The following LSAMP variants were observed in gnomAD, a reference collection of about 807,000 sequenced individuals.
LSAMP encodes the protein limbic system associated membrane protein, also known as limbic system-associated membrane protein.
Under a neutral mutation model 38.6 loss-of-function variants are expected in LSAMP, and 7 were observed. The observed-to-expected ratio is 0.18, with a 90% CI of 0.10 to 0.34. The LOEUF (loss-of-function observed/expected upper bound fraction) is 0.34, where lower values mean the gene tolerates loss of function less well. Ranked by LOEUF, LSAMP falls within the 10% of genes least tolerant of loss-of-function variation. The pLI is 1.00. For synonymous variants in LSAMP, 154 were observed against 166.8 expected, an observed-to-expected ratio of 0.92 and a Z score of 0.59; for missense variants, 313 against 420.0, an observed-to-expected ratio of 0.75 and a Z score of 2.23.
intron 3 of LSAMP, among the ~76,000 whole-genome samples, chr3:115,870,999 G>T (rs1211515874): frequency 6.6e-6 from 1 of 152,036 alleles, no homozygotes; most frequent in East Asian, 1.9e-4. Context: ...GAAATCACAG[G>T]CAAGCTCCCA....
intron 1 of LSAMP, among the ~76,000 whole-genome samples, chr3:116,129,436 C>T (rs1225634268): frequency 6.6e-6 from 1 of 152,110 alleles, no homozygotes. Context: ...AAATAGCATC[C>T]CCCTCTCCCA....
intron 1 of LSAMP, among the ~76,000 whole-genome samples, chr3:116,087,125 C>A (rs1165326536): frequency 2.6e-5 from 4 of 152,114 alleles, no homozygotes; most frequent in African/African-American, 4.8e-5. Context: ...GGTGTTATGA[C>A]AAGGAAATCA....
rs1339938880 is a variant in LSAMP, at chr3:116,197,128, C to T, written c.156-110572G>A. On this transcript the variant is annotated intron_variant, in intron 1 of 6. Transcript: ENST00000490035. The stretch of plus-strand genomic sequence containing the variant: ...AGGCCTAAAACAAAAGTATCCCACT[C>T]GGACACACACACACACACACACACA... Among the ~76,000 whole-genome samples, 19 of 130,138 alleles carry T rather than the reference C, an allele frequency of 1.5e-4. No individual in the cohort carries two copies. The Admixed American group carries it at 1.6e-3, about 11-fold the overall frequency. 85.4% of individuals were successfully genotyped at this position (130,138 alleles called of 152,430 possible).
Position 116,385,330 on chromosome 3 carries a change from T to C in LSAMP, c.155+59547A>G, listed in dbSNP as rs1170630235. ...CTCAGCAAGCTTTAAAGTGTTATGA[T>C]TCTATGAGACAACTTCTTAGAACAC... is the stretch of plus-strand genomic sequence containing the variant. On this transcript the variant is annotated intron_variant, in intron 1 of 6. Coordinates refer to ENST00000490035, the MANE Select transcript of LSAMP (RefSeq NM_002338.5). 3.3e-5 allele frequency among the ~76,000 whole-genome samples: 5 copies of C among 152,174 alleles called. 1 individual carries two copies. The highest frequency in any genetic ancestry group is 4.8e-5 in the African/African-American group (2 of 41,428).
intron 2 of LSAMP, among the ~76,000 whole-genome samples, chr3:116,073,573 T>G (rs1707664389): frequency 6.6e-6 from 1 of 152,224 alleles, no homozygotes; most frequent in Admixed American, 6.5e-5. Flanking sequence ...TTTGTTTGTG[T>G]CCTCTCTGAT....
At chr3:115,973,417 G>A (rs1490975320) in intron 3 of LSAMP, among the ~76,000 whole-genome samples, 1 of 152,036 alleles carries the variant, frequency 6.6e-6, no homozygotes, top group Non-Finnish European at 1.5e-5. Context: ...CTTGGGGAGG[G>A]GATACAAGTC....
intron 4 of LSAMP, among the ~76,000 whole-genome samples, chr3:115,845,291 A>G (rs887491370): frequency 1.3e-5 from 2 of 152,184 alleles, no homozygotes; most frequent in Non-Finnish European, 2.9e-5. Context: ...ACATTGGCCC[A>G]TTGATGTTGG....
At chr3:116,367,495 C>CTTTTTTTTTTTTTTTT (rs751600891) in intron 1 of LSAMP, among the ~76,000 whole-genome samples, 1 of 133,352 alleles carries the variant, frequency 7.5e-6, no homozygotes. Flanking sequence ...TATTTTCTTC[C>CTTTTTTTTTTTTTTTT]TTTTTTTTTT....
chr3:115,905,978 C>A (rs556346227), intron 3 of LSAMP, among the ~76,000 whole-genome samples: 2 of 152,246 alleles, frequency 1.3e-5, no homozygotes. Flanking sequence ...GAGACTAGTA[C>A]AAGACTGGAA....
At chr3:116,370,612 G>T (rs2048417869) in intron 1 of LSAMP, among the ~76,000 whole-genome samples, 1 of 152,078 alleles carries the variant, frequency 6.6e-6, no homozygotes, top group Non-Finnish European at 1.5e-5. Flanking sequence ...TTGAGGGGAG[G>T]GTAAAAATGA....
intron 1 of LSAMP, among the ~76,000 whole-genome samples, chr3:116,231,535 C>T (rs1348195516): frequency 2.0e-5 from 3 of 152,180 alleles, no homozygotes; most frequent in Non-Finnish European, 2.9e-5. Flanking sequence ...AGGACTATGT[C>T]AAGGTGCTTC....
At chr3:116,169,163 C>T (rs1710133964) in intron 1 of LSAMP, among the ~76,000 whole-genome samples, 1 of 152,152 alleles carries the variant, frequency 6.6e-6, no homozygotes, top group Non-Finnish European at 1.5e-5. Context: ...ATGATCACGC[C>T]ACTCCATTCC....
At chr3:116,288,371 T>A (rs2047219461) in intron 1 of LSAMP, among the ~76,000 whole-genome samples, 2 of 152,186 alleles carry the variant, frequency 1.3e-5, no homozygotes, top group South Asian at 4.1e-4. Flanking sequence ...GAACAGTTGT[T>A]AGAGAAATGG....
intron 6 of LSAMP, among the ~76,000 whole-genome samples, chr3:115,811,612 T>A (rs987118902): frequency 2.0e-5 from 3 of 151,980 alleles, no homozygotes; most frequent in Non-Finnish European, 4.4e-5. Flanking sequence ...GCAGGTATGA[T>A]GGAAGCATCC....
intron 2 of LSAMP, among the ~76,000 whole-genome samples, chr3:116,081,916 T>C (rs187855822): frequency 6.1e-4 from 93 of 152,268 alleles, no homozygotes; most frequent in African/African-American, 7.7e-4. Context: ...CAAATAAGAA[T>C]AGCATAAAAA....
intron 3 of LSAMP, among the ~76,000 whole-genome samples, chr3:115,931,624 T>A (rs778610582): frequency 1.3e-5 from 2 of 152,172 alleles, no homozygotes; most frequent in Non-Finnish European, 2.9e-5. Context: ...ATGGAAAAGA[T>A]CTCTCATGCA....
intron 1 of LSAMP, among the ~76,000 whole-genome samples, chr3:116,334,211 T>C (rs2047889590): frequency 6.6e-6 from 1 of 152,060 alleles, no homozygotes; most frequent in Admixed American, 6.6e-5. Context: ...GTAGAAAATT[T>C]GAATAGATCT....
At chr3:116,003,058 C>T (rs1374284108) in intron 3 of LSAMP, among the ~76,000 whole-genome samples, 1 of 152,092 alleles carries the variant, frequency 6.6e-6, no homozygotes, top group Non-Finnish European at 1.5e-5. Context: ...CTACCTTTAT[C>T]AAGAGCTTAG....
At chr3:115,839,667 A>G (rs147269992) in intron 6 of LSAMP, among the ~76,000 whole-genome samples, 2,192 of 152,276 alleles carry the variant, frequency 0.014, 21 homozygotes, top group Non-Finnish European at 0.024. Context: ...TGGGACATCT[A>G]TTCTAAACCA....
Sources: allele counts gnomAD v4.1 joint callset (sites outside exome capture counted in the v4.1 genomes callset), GRCh38; gene constraint gnomAD v4.1.1; transcripts MANE v1.5; gene names NCBI Gene and HGNC (gene_info 2026-07-23, HGNC 2026-07-21).